The following RIMBP2 variants were observed in gnomAD, a reference collection of about 807,000 sequenced individuals.
RIMBP2 encodes RIMS binding protein 2, also known as RIMS-binding protein 2.
In RIMBP2, 48 loss-of-function variants were observed where a neutral mutation model predicts 118.6. The ratio of observed to expected loss-of-function variants is 0.40; its 90% CI spans 0.32 to 0.51. The LOEUF (loss-of-function observed/expected upper bound fraction) is 0.51. RIMBP2 is among the 20% of genes least tolerant of loss of function. The probability of loss-of-function intolerance (pLI) is 0.41; values close to 1 mark genes in which losing one functional copy is unlikely to be tolerated. For synonymous variants in RIMBP2, 762 were observed against 742.9 expected (o/e 1.03, Z -0.42); for missense variants, 1,551 against 1,768.3 (o/e 0.88, Z 2.20).
rs1242047824 is a variant in RIMBP2, at chr12:130,414,219, A to G, written c.3326T>C (p.Phe1109Ser). Residue 1109 changes from phenylalanine to serine, a missense_variant, in exon 18 of 23, where the codon TTT (phenylalanine) becomes TCT (serine). Phe to Ser is a radical substitution (Grantham distance 155). Around this residue, in one of 5 missense-constraint regions of RIMBP2, gnomAD observed 1,038 missense variants for 1,125.1 expected, o/e 0.92. Coordinates refer to ENST00000690449, the MANE Select transcript of RIMBP2 (RefSeq NM_001393629.1). ...CGGGTCGTAGTCAAAGAGAGCCACA[A>G]AGATCCGGGCCGGGAGCTCTTCGGC... ...PGAEELPARI[F>S]VALFDYDPLT... 6.2e-7 allele frequency: 1 copy of G among 1,614,184 alleles called. No homozygotes were observed. The highest frequency in any genetic ancestry group is 1.7e-5 in the Admixed American group (1 of 60,028).
At chr12:130,605,409 G>T (rs184029922) in intron 2 of RIMBP2, among the ~76,000 whole-genome samples, 7 of 152,270 alleles carry the variant, frequency 4.6e-5, no homozygotes, top group African/African-American at 1.7e-4. Flanking sequence ...CATACATGAG[G>T]CGTGGCTGGA....
chr12:130,470,821 TGGGGGTGG>T (rs1484323945), intron 5 of RIMBP2, 78 bp from the exon 6 acceptor site: 2 of 721,198 alleles, frequency 2.8e-6, no homozygotes, highest in Admixed American at 4.3e-5. Context: ...TCTGAATCAC[TGGGGGTGG>T]GGGATCATTT....
Position 130,525,257 on chromosome 12 carries a change from G to C in RIMBP2, c.-216-7340C>G, listed in dbSNP as rs527851987. On this transcript the variant is annotated intron_variant, in intron 2 of 22. Coordinates refer to ENST00000690449, the MANE Select transcript of RIMBP2 (RefSeq NM_001393629.1). The surrounding 1 kb of genome is among the most constrained non-coding windows in gnomAD (Gnocchi z 4.4). ...GACCAGAGCCTTGAGAGTGGGGACC[G>C]GCAGGTCAGCTACTGCCCAGAAGCC... is the stretch of plus-strand genomic sequence containing the variant. 6.6e-6 allele frequency among the ~76,000 whole-genome samples: 1 copy of C among 152,200 alleles called. No homozygotes were observed. The highest frequency in any genetic ancestry group is 2.4e-5 in the African/African-American group (1 of 41,438).
chr12:130,498,518 A>G (rs1026179254), intron 4 of RIMBP2, among the ~76,000 whole-genome samples: 8 of 151,926 alleles, frequency 5.3e-5, no homozygotes, highest in Non-Finnish European at 1.0e-4. Flanking sequence ...GTGATGTGCA[A>G]GTGACCAGCA....
At chr12:130,668,184 G>A (rs1157214353) in intron 1 of RIMBP2, 1 of 152,164 alleles carries the variant, frequency 6.6e-6, no homozygotes, top group Non-Finnish European at 1.5e-5. Context: ...CCAATGCTGA[G>A]GAATGAGTGT....
intron 18 of RIMBP2, among the ~76,000 whole-genome samples, chr12:130,413,475 C>CA (rs1241835906): frequency 5.7e-4 from 86 of 151,732 alleles, no homozygotes; most frequent in African/African-American, 2.0e-3. Flanking sequence ...ACTAAAAATG[C>CA]AAAAAAATTT....
intron 1 of RIMBP2, among the ~76,000 whole-genome samples, chr12:130,681,688 G>A (rs2136556373): frequency 6.6e-6 from 1 of 152,196 alleles, no homozygotes; most frequent in Middle Eastern, 3.4e-3. Flanking sequence ...CCTCACGCGA[G>A]TATTTCTCTT....
chr12:130,500,197 T>C (rs535883515), intron 4 of RIMBP2, among the ~76,000 whole-genome samples: 50 of 152,320 alleles, frequency 3.3e-4, no homozygotes, highest in African/African-American at 1.2e-3. Flanking sequence ...CAGTGGCTCA[T>C]ACTTGTAATC....
intron 2 of RIMBP2, among the ~76,000 whole-genome samples, chr12:130,568,692 T>G (rs772855621): frequency 2.6e-5 from 4 of 152,346 alleles, no homozygotes; most frequent in Admixed American, 1.3e-4. Context: ...TGCTTTGCTT[T>G]GAGACATCTG....
chr12:130,543,840 C>T (rs1205337637), intron 2 of RIMBP2, among the ~76,000 whole-genome samples: 1 of 152,174 alleles, frequency 6.6e-6, no homozygotes, highest in South Asian at 2.1e-4. Context: ...TTCCTTACTG[C>T]CAATTTAACA....
chr12:130,655,857 C>T (rs1307250956), intron 1 of RIMBP2, among the ~76,000 whole-genome samples: 2 of 152,206 alleles, frequency 1.3e-5, no homozygotes, highest in African/African-American at 4.8e-5. Context: ...GGTCAAGGCA[C>T]AGGCGACGGG....
intron 6 of RIMBP2, among the ~76,000 whole-genome samples, chr12:130,461,507 T>G (rs569740336): frequency 4.2e-4 from 64 of 152,078 alleles, no homozygotes; most frequent in African/African-American, 1.5e-3. Context: ...CCTCCACATC[T>G]CATGTTGAAA....
chr12:130,399,451 A>C (rs1280021408), intron 22 of RIMBP2, among the ~76,000 whole-genome samples: 4 of 152,154 alleles, frequency 2.6e-5, no homozygotes, highest in Non-Finnish European at 4.4e-5. Context: ...TTGTGAGTAA[A>C]GGCAGATTGA....
intron 5 of RIMBP2, 114 bp downstream of exon 5, chr12:130,478,798 A>T (rs1440219217): frequency 1.4e-6 from 1 of 692,854 alleles, no homozygotes; most frequent in Non-Finnish European, 2.6e-6. Context: ...AAGCAGAGAG[A>T]GGGAGCGGCC....
chr12:130,570,746 T>C (rs983180511), intron 2 of RIMBP2, among the ~76,000 whole-genome samples: 6 of 152,174 alleles, frequency 3.9e-5, no homozygotes, highest in African/African-American at 1.4e-4. Context: ...TCTGACCCAA[T>C]GAGAACAGTG....
At chr12:130,441,402 A>AATAATCATAATC (rs1555251132) in intron 11 of RIMBP2, among the ~76,000 whole-genome samples, 1 of 37,932 alleles carries the variant, frequency 2.6e-5, no homozygotes, top group Non-Finnish European at 5.2e-5. Flanking sequence ...CTCCATCTCA[A>AATAATCATAATC]ATAATAATAA....
At chr12:130,693,724 C>G (rs561691943) in intron 1 of RIMBP2, among the ~76,000 whole-genome samples, 2 of 152,214 alleles carry the variant, frequency 1.3e-5, no homozygotes, top group African/African-American at 4.8e-5. Context: ...TAGGGTGGCA[C>G]ATGACAGCTC....
chr12:130,475,766 A>T lies in RIMBP2; in HGVS notation c.102+3146T>A, dbSNP rs2081374964. ...CAACAAGCAAACAAAAAAGGCAATT[A>T]ACTCCAGGGAAAGGAAGAGCTGTAC... On this transcript the variant is annotated intron_variant, in intron 5 of 22. Coordinates refer to ENST00000690449, the MANE Select transcript of RIMBP2 (RefSeq NM_001393629.1). The surrounding 1 kb of genome is among the most constrained non-coding windows in gnomAD (Gnocchi z 4.1). Among the ~76,000 whole-genome samples the T allele has an allele frequency of 6.6e-6, 1 of 152,138 alleles. No individual in the cohort carries two copies. Among genetic ancestry groups the T allele is most frequent in the South Asian group, 2.1e-4 (1 of 4,818 alleles).
At chr12:130,678,944 C>T (rs979377318) in intron 1 of RIMBP2, among the ~76,000 whole-genome samples, 2 of 152,176 alleles carry the variant, frequency 1.3e-5, no homozygotes, top group African/African-American at 4.8e-5. Context: ...ACAGGGTTTG[C>T]TTTGGAAGTG....
Sources: gnomAD v4.1 joint callset for allele counts (sites outside exome capture counted in the v4.1 genomes callset) on GRCh38, gnomAD v4.1.1 for gene constraint, gnomAD v4.1.1 regional missense constraint, Gnocchi (gnomAD v3.1) non-coding constraint, MANE v1.5 for transcripts, NCBI Gene and HGNC (gene_info 2026-07-23, HGNC 2026-07-21) for gene names.